Variants in MACROD2 observed in about 807,000 individuals in gnomAD.
MACROD2 encodes ADP-ribose glycohydrolase MACROD2.
Under a neutral mutation model 70.4 loss-of-function variants are expected in MACROD2, and 36 were observed. The ratio of observed to expected loss-of-function variants is 0.51; its 90% CI spans 0.39 to 0.68. MACROD2 has a LOEUF of 0.68. Among genes scored for constraint, MACROD2 ranks in the 30% least tolerant of loss-of-function variants. The pLI, the probability that MACROD2 is intolerant of heterozygous loss-of-function variation, is 0.00. For missense variants in MACROD2, 496 were observed against 538.4 expected (o/e 0.92, Z 0.78); for synonymous variants, 172 against 178.8 (o/e 0.96, Z 0.30).
At chr20:15,689,626 T>C (rs1231158491) in intron 8 of MACROD2, among the ~76,000 whole-genome samples, 1 of 152,160 alleles carries the variant, frequency 6.6e-6, no homozygotes, top group Non-Finnish European at 1.5e-5. Flanking sequence ...AATAAGCTTA[T>C]ACATTCAAAG....
At position 14,790,470 on chromosome 20, in the gene MACROD2, T is replaced by C. The variant is rs546520179; in HGVS notation, c.418+105511T>C. On this transcript the variant is annotated intron_variant, in intron 5 of 17. Coordinates refer to ENST00000684519, the MANE Select transcript of MACROD2 (RefSeq NM_001351661.2). Reference sequence around the variant, plus strand: ...ACCAAGCTGGCCTGATGAGCCACAATTGAAGTTGTTCCGTTTTATAAAAGA... The same window carrying C: ...ACCAAGCTGGCCTGATGAGCCACAACTGAAGTTGTTCCGTTTTATAAAAGA... Among the ~76,000 whole-genome samples, 12 of 144,758 alleles carry C rather than the reference T, an allele frequency of 8.3e-5. No individual in the cohort carries two copies. In the East Asian group the frequency reaches 1.7e-3, roughly 21 times the overall value. 95.0% of individuals were successfully genotyped at this position (144,758 alleles called of 152,430 possible).
chr20:14,574,159 G>A (rs890499551), intron 4 of MACROD2, among the ~76,000 whole-genome samples: 1 of 152,164 alleles, frequency 6.6e-6, no homozygotes, highest in African/African-American at 2.4e-5. Flanking sequence ...GTGAGCAGGA[G>A]ACATTCCTGA....
intron 5 of MACROD2, among the ~76,000 whole-genome samples, chr20:15,207,107 A>G (rs2076715627): frequency 6.6e-6 from 1 of 152,162 alleles, no homozygotes; most frequent in Non-Finnish European, 1.5e-5. Context: ...CATTGTATGA[A>G]GCACAATTAG....
chr20:14,192,718 T>G (rs964002295), intron 3 of MACROD2, among the ~76,000 whole-genome samples: 2 of 152,188 alleles, frequency 1.3e-5, no homozygotes, highest in African/African-American at 4.8e-5. Flanking sequence ...AAACTGCTCG[T>G]TGATCTCTGG....
chr20:15,344,524 G>A lies in MACROD2; in HGVS notation c.541-86881G>A, dbSNP rs576693515. Reference sequence around the variant, plus strand: ...ATGTAGCTGCAACCAGGACCAATTTGATGTGAGCTCTGAGGCCCAGTTTTT... The same window carrying A: ...ATGTAGCTGCAACCAGGACCAATTTAATGTGAGCTCTGAGGCCCAGTTTTT... On this transcript the variant is annotated intron_variant, in intron 6 of 17. Coordinates refer to ENST00000684519, the MANE Select transcript of MACROD2 (RefSeq NM_001351661.2). Among the ~76,000 whole-genome samples, 21 of 152,290 alleles carry A rather than the reference G, an allele frequency of 1.4e-4. No individual in the cohort carries two copies. In the East Asian group the frequency reaches 4.1e-3, roughly 29 times the overall value.
At chr20:15,304,356 CAT>C (rs912868398) in intron 6 of MACROD2, among the ~76,000 whole-genome samples, 6 of 152,152 alleles carry the variant, frequency 3.9e-5, no homozygotes, top group African/African-American at 1.4e-4. Context: ...TAAGTGAACA[CAT>C]GTTTTATAAG....
chr20:15,411,157 C>CACACAT (rs1160262634), intron 6 of MACROD2, among the ~76,000 whole-genome samples: 1 of 147,212 alleles, frequency 6.8e-6, no homozygotes, highest in Non-Finnish European at 1.5e-5. Context: ...TTTACACACA[C>CACACAT]ACACACACAC....
intron 3 of MACROD2, among the ~76,000 whole-genome samples, chr20:14,310,747 T>A (rs919639316): frequency 6.6e-6 from 1 of 152,146 alleles, no homozygotes; most frequent in African/African-American, 2.4e-5. Context: ...TGGGACAGGA[T>A]GTGGAGGTGG....
At chr20:15,263,689 G>C (rs771387795) in intron 6 of MACROD2, among the ~76,000 whole-genome samples, 36 of 151,960 alleles carry the variant, frequency 2.4e-4, no homozygotes, top group Admixed American at 5.2e-4. Flanking sequence ...CTTTTTGTGT[G>C]TGTCCTCTTC....
At chr20:16,011,845 T>C (rs1281013960) in intron 15 of MACROD2, among the ~76,000 whole-genome samples, 5 of 152,184 alleles carry the variant, frequency 3.3e-5, no homozygotes, top group Admixed American at 3.3e-4. Flanking sequence ...TCTTGCACTT[T>C]TCAGCTCCAT....
intron 5 of MACROD2, among the ~76,000 whole-genome samples, chr20:14,738,143 T>C: frequency 6.6e-6 from 1 of 151,788 alleles, no homozygotes. Context: ...AAATGGTTGG[T>C]TTTTGGAATT....
chr20:15,552,934 A>G (rs1296870741), intron 8 of MACROD2: 1 of 152,206 alleles, frequency 6.6e-6, no homozygotes, highest in Non-Finnish European at 1.5e-5. Flanking sequence ...TCCTGGGATC[A>G]TCCCAAATAA....
At chr20:15,076,351 A>G (rs1316540288) in intron 5 of MACROD2, among the ~76,000 whole-genome samples, 1 of 152,180 alleles carries the variant, frequency 6.6e-6, no homozygotes, top group Non-Finnish European at 1.5e-5. Context: ...TATCTTTATA[A>G]TAAAACATTG....
At chr20:15,913,977 G>C (rs890550820) in intron 10 of MACROD2, among the ~76,000 whole-genome samples, 2 of 152,178 alleles carry the variant, frequency 1.3e-5, no homozygotes, top group African/African-American at 2.4e-5. Flanking sequence ...GAAATATACT[G>C]TTTGTTTTCC....
chr20:14,748,018 T>A (rs2071821908), intron 5 of MACROD2, among the ~76,000 whole-genome samples: 1 of 152,122 alleles, frequency 6.6e-6, no homozygotes, highest in Non-Finnish European at 1.5e-5. Flanking sequence ...CATATACCTG[T>A]CTAAGGAAAC....
In MACROD2 at chr20:14,682,373, A is replaced by G. The variant is rs199991335; in HGVS notation, c.302-2470A>G. On this transcript the variant is annotated intron_variant, in intron 4 of 17. Coordinates refer to ENST00000684519, the MANE Select transcript of MACROD2 (RefSeq NM_001351661.2). ...CCTCTGTTTCCCATCTCATAATAAT[A>G]TCACCAACTGCTGCATATATTTTCA... is the stretch of plus-strand genomic sequence containing the variant. Among the ~76,000 whole-genome samples, 6 of 151,928 alleles carry G rather than the reference A, an allele frequency of 3.9e-5. No homozygotes were observed. In the East Asian group the frequency reaches 1.2e-3, roughly 29 times the overall value.
chr20:16,034,867 G>A (rs59851333), intron 15 of MACROD2, among the ~76,000 whole-genome samples: 18,683 of 150,550 alleles, frequency 0.12, 1,162 homozygotes, highest in Middle Eastern at 0.16. Flanking sequence ...ATGCCTTTGC[G>A]TCCTCATAGC....
intron 6 of MACROD2, among the ~76,000 whole-genome samples, chr20:15,412,400 C>CCATCTCT (rs1160212212): frequency 5.3e-5 from 8 of 152,110 alleles, no homozygotes; most frequent in African/African-American, 1.9e-4. Flanking sequence ...TTTGACTATG[C>CCATCTCT]CATCTCTTGT....
chr20:15,827,198 T>A (rs149842097), intron 8 of MACROD2, among the ~76,000 whole-genome samples: 225 of 152,294 alleles, frequency 1.5e-3, no homozygotes, highest in African/African-American at 5.2e-3. Context: ...AGTACTTCAG[T>A]GAATGTCACT....
Sources: gnomAD v4.1 joint callset for allele counts (sites outside exome capture counted in the v4.1 genomes callset) on GRCh38, gnomAD v4.1.1 for gene constraint, MANE v1.5 for transcripts, NCBI Gene and HGNC (gene_info 2026-07-23, HGNC 2026-07-21) for gene names.